MBTD1: variants seen among roughly 807,000 people sequenced by gnomAD.
The protein encoded by MBTD1 is mbt domain containing 1.
In MBTD1, 24 loss-of-function variants were observed where a neutral mutation model predicts 87.8. The ratio of observed to expected loss-of-function variants is 0.27; its 90% CI spans 0.20 to 0.38. The LOEUF is 0.38. Ranked by LOEUF, MBTD1 falls within the 10% of genes least tolerant of loss-of-function variation. MBTD1 has a pLI of 1.00. For synonymous variants in MBTD1, 237 were observed against 248.6 expected, an observed-to-expected ratio of 0.95 and a Z score of 0.44; for missense variants, 436 against 760.2, an observed-to-expected ratio of 0.57 and a Z score of 5.02.
Position 51,202,691 on chromosome 17 carries a change from A to G in MBTD1, c.1063+10T>C. On this transcript the variant is annotated intron_variant, in intron 10 of 16. Coordinates refer to ENST00000586178, the MANE Select transcript of MBTD1 (RefSeq NM_017643.3). ...TGCTTTTGACAGGAGTTCTTGTGATAGGTGCTTACCAGATCTTTTGAATCG... is the reference window on the plus strand; with the variant it reads ...TGCTTTTGACAGGAGTTCTTGTGATGGGTGCTTACCAGATCTTTTGAATCG... 6.3e-7 allele frequency: 1 copy of G among 1,597,436 alleles called. No individual in the cohort carries two copies. The highest frequency in any genetic ancestry group is 1.1e-5 in the South Asian group (1 of 90,758).
At chr17:51,201,219 G>A (rs2051471551) in intron 12 of MBTD1, among the ~76,000 whole-genome samples, 1 of 151,976 alleles carries the variant, frequency 6.6e-6, no homozygotes, top group African/African-American at 2.4e-5. Flanking sequence ...AAAGAGAAAA[G>A]CAGCAAAAAC....
At chr17:51,246,763 G>A (rs557114044) in intron 2 of MBTD1, among the ~76,000 whole-genome samples, 1 of 152,214 alleles carries the variant, frequency 6.6e-6, no homozygotes, top group African/African-American at 2.4e-5. Flanking sequence ...AGCCTCCTGA[G>A]TAGCTGGGAC....
At chr17:51,202,107 C>T in intron 10 of MBTD1, 30 bp from the exon 11 acceptor site, 1 of 1,464,812 alleles carries the variant, frequency 6.8e-7, no homozygotes, top group Non-Finnish European at 9.5e-7. Context: ...ACTAATCTGT[C>T]AGCATTTGTG....
chr17:51,212,292 A>G (rs2052279219), intron 6 of MBTD1, among the ~76,000 whole-genome samples: 1 of 151,636 alleles, frequency 6.6e-6, no homozygotes, highest in South Asian at 2.1e-4. Flanking sequence ...CGGGAAGCAG[A>G]GGTTGCAGTG....
upstream of MBTD1, chr17:51,260,587 G>A (rs746038198): frequency 1.2e-6 from 2 of 1,611,878 alleles, no homozygotes; most frequent in Non-Finnish European, 1.7e-6. Context: ...ACCTAACGAT[G>A]CCGCCGGAGC....
At chr17:51,193,836 T>C (rs2050931733) in intron 13 of MBTD1, among the ~76,000 whole-genome samples, 1 of 152,132 alleles carries the variant, frequency 6.6e-6, no homozygotes, top group Admixed American at 6.5e-5. Context: ...GCCCGGGTTG[T>C]TCTCAAACTC....
At chr17:51,251,462 G>A (rs1420660843) in intron 2 of MBTD1, 1 of 152,156 alleles carries the variant, frequency 6.6e-6, no homozygotes, top group Non-Finnish European at 1.5e-5. Context: ...CATACATAGA[G>A]CTGTGAACTA....
At chr17:51,249,120 C>T (rs1215549369) in intron 2 of MBTD1, among the ~76,000 whole-genome samples, 1 of 148,234 alleles carries the variant, frequency 6.7e-6, no homozygotes. Context: ...ATTAGCTGGG[C>T]ATGGTGGTGT....
chr17:51,260,751 C>T, upstream of MBTD1: 4 of 1,582,576 alleles, frequency 2.5e-6, no homozygotes, highest in Middle Eastern at 1.8e-4. Flanking sequence ...CGGCCGAGCG[C>T]GGCGGCCGCT....
intron 2 of MBTD1, among the ~76,000 whole-genome samples, chr17:51,257,973 T>C (rs764674312): frequency 2.0e-5 from 3 of 147,226 alleles, no homozygotes; most frequent in South Asian, 2.1e-4. Context: ...TTTAGATAGA[T>C]AGAAGCTACT....
chr17:51,203,105 G>T, intron 9 of MBTD1, 35 bp downstream of exon 9: 1 of 1,501,628 alleles, frequency 6.7e-7, no homozygotes, highest in Non-Finnish European at 9.2e-7. Flanking sequence ...TTGTTTTTTA[G>T]AGCTCTTCAG....
intron 12 of MBTD1, among the ~76,000 whole-genome samples, chr17:51,199,725 C>A (rs988386980): frequency 2.0e-5 from 3 of 152,180 alleles, no homozygotes; most frequent in African/African-American, 7.2e-5. Flanking sequence ...TCATTCTGAT[C>A]ACTAGTGAGG....
chr17:51,199,761 C>T (rs535555056), intron 12 of MBTD1, among the ~76,000 whole-genome samples: 1 of 152,212 alleles, frequency 6.6e-6, no homozygotes, highest in African/African-American at 2.4e-5. Flanking sequence ...GGGTTTGGAG[C>T]CAGTCTTGTC....
chr17:51,216,656 A>T (rs1374921603), intron 6 of MBTD1, among the ~76,000 whole-genome samples: 1 of 152,224 alleles, frequency 6.6e-6, no homozygotes, highest in Non-Finnish European at 1.5e-5. Context: ...CAAATTGCAG[A>T]TTTAAGTAAC....
intron 2 of MBTD1, among the ~76,000 whole-genome samples, chr17:51,236,279 C>T (rs2053832688): frequency 1.3e-5 from 2 of 151,890 alleles, no homozygotes; most frequent in Admixed American, 6.6e-5. Context: ...GAGGTCTCAC[C>T]CTGTTGCCCA....
At chr17:51,229,475 C>T (rs2053430878) in intron 2 of MBTD1, among the ~76,000 whole-genome samples, 1 of 152,070 alleles carries the variant, frequency 6.6e-6, no homozygotes, top group African/African-American at 2.4e-5. Context: ...ATGTCATTGT[C>T]AGGTATTAAA....
chr17:51,252,949 G>A (rs1459146138), intron 2 of MBTD1, among the ~76,000 whole-genome samples: 1 of 151,658 alleles, frequency 6.6e-6, no homozygotes, highest in Non-Finnish European at 1.5e-5. Flanking sequence ...GAATTAGAGA[G>A]ATAGATACTA....
Position 51,259,168 on chromosome 17 carries a change from G to A in MBTD1, c.-74C>T, listed in dbSNP as rs2055286094. 4 of 914,658 alleles carry A rather than the reference G, an allele frequency of 4.4e-6. No homozygotes were observed. Among genetic ancestry groups the A allele is most frequent in the Non-Finnish European group, 5.7e-6 (4 of 697,736 alleles). The allele number at this position is 914,658 out of a possible 1,614,324, so 56.7% of individuals were successfully genotyped here. Reference sequence around the variant, plus strand: ...CACTTGTCAGAGAGGCTGCAGAGGGGACGGCTGCTTTGGATGACCTCTAAT... The same window carrying A: ...CACTTGTCAGAGAGGCTGCAGAGGGAACGGCTGCTTTGGATGACCTCTAAT... On this transcript the variant is annotated 5_prime_UTR_variant, in exon 2 of 17. Coordinates refer to ENST00000586178, the MANE Select transcript of MBTD1 (RefSeq NM_017643.3).
rs1324951192 is a variant in MBTD1 at position 51,179,759 on chromosome 17, T to C, written c.*817A>G. 6.6e-6 allele frequency: 1 copy of C among 151,610 alleles called. No homozygotes were observed. The highest frequency in any genetic ancestry group is 2.4e-5 in the African/African-American group (1 of 41,308). The allele number at this position is 151,610 out of a possible 1,614,324, so 9.4% of individuals were successfully genotyped here. A position where few individuals can be genotyped will look rare whatever the true frequency, so the allele number is the denominator to read the frequency against. On this transcript the variant is annotated 3_prime_UTR_variant, in exon 17 of 17. Transcript: ENST00000586178. ...GGCAGAGAACTGATCAGAATCCCTT[T>C]CGTGGGGTATTTTTTTTAGAAAGGA...
Sources: allele counts gnomAD v4.1 joint callset (sites outside exome capture counted in the v4.1 genomes callset), GRCh38; gene constraint gnomAD v4.1.1; transcripts MANE v1.5; gene names NCBI Gene and HGNC (gene_info 2026-07-23, HGNC 2026-07-21).